GRIA2: variants seen among roughly 807,000 people sequenced by gnomAD.
GRIA2 encodes glutamate receptor 2.
GRIA2 carries 14 observed loss-of-function variants against 97.3 expected under a neutral mutation model. The ratio of observed to expected loss-of-function variants is 0.14; its 90% CI spans 0.10 to 0.23. The LOEUF (loss-of-function observed/expected upper bound fraction) is 0.23, where lower values mean the gene tolerates loss of function less well. GRIA2 is among the 10% of genes least tolerant of loss of function. The pLI is 1.00. For missense variants in GRIA2, 558 were observed against 1,069.8 expected, an observed-to-expected ratio of 0.52 and a Z score of 6.67; for synonymous variants, 412 against 387.8, an observed-to-expected ratio of 1.06 and a Z score of -0.73.
chr4:157,243,980 G>A (rs921175276), intron 2 of GRIA2, among the ~76,000 whole-genome samples: 1 of 151,982 alleles, frequency 6.6e-6, no homozygotes, highest in Non-Finnish European at 1.5e-5. Flanking sequence ...CACTTTAAAG[G>A]AAATCAGTAG....
chr4:157,238,291 T>G (rs1433923638), intron 2 of GRIA2, among the ~76,000 whole-genome samples: 1 of 152,152 alleles, frequency 6.6e-6, no homozygotes, highest in Non-Finnish European at 1.5e-5. Flanking sequence ...TCAGGGAAAT[T>G]TATAAATCTT....
rs558176865 is a variant in GRIA2, at chr4:157,264,330, T to C, written c.230-39222T>C. ...TGGAGTCTCTAGGGGATAATTCATTTCCTTGCCTTGTCCAACTTCTAGGGG... is the reference window on the plus strand; with the variant it reads ...TGGAGTCTCTAGGGGATAATTCATTCCCTTGCCTTGTCCAACTTCTAGGGG... On this transcript the variant is annotated intron_variant, in intron 2 of 15. Coordinates refer to ENST00000264426, the MANE Select transcript of GRIA2 (RefSeq NM_001083619.3). Among the ~76,000 whole-genome samples the C allele has an allele frequency of 2.1e-4, 32 of 152,240 alleles. 1 individual carries two copies. The South Asian group carries it at 6.4e-3, about 31-fold the overall frequency.
At chr4:157,353,888 A>C (rs558966129) in intron 12 of GRIA2, among the ~76,000 whole-genome samples, 1 of 152,136 alleles carries the variant, frequency 6.6e-6, no homozygotes, top group South Asian at 2.1e-4. Flanking sequence ...ATGAAAAATC[A>C]AACTACTTTT....
intron 12 of GRIA2, among the ~76,000 whole-genome samples, chr4:157,351,654 C>A (rs1736015583): frequency 6.6e-6 from 1 of 152,054 alleles, no homozygotes; most frequent in Non-Finnish European, 1.5e-5. Context: ...CCCTATAATC[C>A]CCATAATCCC....
At chr4:157,344,287 G>C (rs561321703) in intron 12 of GRIA2, among the ~76,000 whole-genome samples, 1 of 152,156 alleles carries the variant, frequency 6.6e-6, no homozygotes, top group Admixed American at 6.6e-5. Flanking sequence ...GGAAATTCTT[G>C]TTTCTATTCC....
chr4:157,302,012 A>C (rs1024884315), intron 2 of GRIA2, among the ~76,000 whole-genome samples: 2 of 151,950 alleles, frequency 1.3e-5, no homozygotes, highest in African/African-American at 2.4e-5. Context: ...GTCTCTACTA[A>C]AAATATGAAA....
intron 2 of GRIA2, among the ~76,000 whole-genome samples, chr4:157,236,152 A>G (rs964127041): frequency 1.3e-5 from 2 of 152,076 alleles, no homozygotes; most frequent in African/African-American, 4.8e-5. Context: ...TTTTGGTACT[A>G]TGGATGATTT....
intron 2 of GRIA2, among the ~76,000 whole-genome samples, chr4:157,261,475 C>G (rs750743732): frequency 3.3e-5 from 5 of 151,942 alleles, no homozygotes; most frequent in Non-Finnish European, 7.4e-5. Flanking sequence ...TTATTTTATC[C>G]TATCAGCAAA....
At chr4:157,269,040 A>G (rs1028112752) in intron 2 of GRIA2, among the ~76,000 whole-genome samples, 1 of 152,162 alleles carries the variant, frequency 6.6e-6, no homozygotes, top group African/African-American at 2.4e-5. Context: ...TTACACACAC[A>G]TACAAGTACA....
At chr4:157,321,632 T>A (rs754622649) in intron 6 of GRIA2, 33 bp downstream of exon 6, 2 of 1,510,596 alleles carry the variant, frequency 1.3e-6, no homozygotes, top group African/African-American at 1.4e-5. Context: ...TCTTTTTCTT[T>A]CATATGTGAG....
rs10461244 is a variant in GRIA2, at chr4:157,248,650, T to C, written c.229+26843T>C. Among the ~76,000 whole-genome samples, 22 of 142,570 alleles carry C rather than the reference T, an allele frequency of 1.5e-4. No individual in the cohort carries two copies. The East Asian group carries it at 4.1e-3, about 27-fold the overall frequency. The allele number at this position is 142,570 out of a possible 152,430, so 93.5% of individuals were successfully genotyped here. ...GTATATATATACACCTGTATATATA[T>C]ACATACGTATATATTTATGCACGTG... On this transcript the variant is annotated intron_variant, in intron 2 of 15. Coordinates refer to ENST00000264426, the MANE Select transcript of GRIA2 (RefSeq NM_001083619.3).
chr4:157,317,624 A>C, intron 4 of GRIA2, 34 bp from the exon 5 acceptor site: 1 of 787,420 alleles, frequency 1.3e-6, no homozygotes, highest in South Asian at 1.7e-5. Flanking sequence ...CATTATTTGT[A>C]TTAATTAAAT....
chr4:157,277,930 A>G (rs1005640625), intron 2 of GRIA2, among the ~76,000 whole-genome samples: 19 of 135,170 alleles, frequency 1.4e-4, no homozygotes, highest in Admixed American at 8.1e-4. Flanking sequence ...GTATATATAT[A>G]TGTGAGGAAA....
At chr4:157,283,210 A>T (rs1166662663) in intron 2 of GRIA2, among the ~76,000 whole-genome samples, 2 of 152,088 alleles carry the variant, frequency 1.3e-5, no homozygotes, top group East Asian at 3.9e-4. Context: ...TGCTATGTTG[A>T]TTTAATTTGG....
intron 2 of GRIA2, among the ~76,000 whole-genome samples, chr4:157,250,702 T>C (rs1262128190): frequency 6.6e-6 from 1 of 152,110 alleles, no homozygotes; most frequent in East Asian, 1.9e-4. Flanking sequence ...AGAAGGCCCA[T>C]TTGCTACTTG....
chr4:157,230,562 C>T (rs1051483739), intron 2 of GRIA2, among the ~76,000 whole-genome samples: 40 of 60,208 alleles, frequency 6.6e-4, no homozygotes, highest in African/African-American at 2.5e-3. Context: ...TTCCTTCTTT[C>T]CTTCCTTCCT....
At chr4:157,339,051 T>A (rs1735430828) in intron 11 of GRIA2, among the ~76,000 whole-genome samples, 1 of 151,974 alleles carries the variant, frequency 6.6e-6, no homozygotes, top group Admixed American at 6.6e-5. Flanking sequence ...TCTAGAGTTA[T>A]TTATTAAATT....
chr4:157,285,415 T>C (rs1732792406), intron 2 of GRIA2, among the ~76,000 whole-genome samples: 2 of 151,626 alleles, frequency 1.3e-5, no homozygotes, highest in African/African-American at 4.8e-5. Context: ...GAGGAATTTA[T>C]AAATTTTTTA....
At chr4:157,290,668 T>C (rs113206125) in intron 2 of GRIA2, among the ~76,000 whole-genome samples, 24 of 152,054 alleles carry the variant, frequency 1.6e-4, no homozygotes, top group African/African-American at 5.5e-4. Context: ...GTCATCCTTA[T>C]TGAAGTATGA....
Sources: allele counts gnomAD v4.1 joint callset (sites outside exome capture counted in the v4.1 genomes callset), GRCh38; gene constraint gnomAD v4.1.1; transcripts MANE v1.5; gene names NCBI Gene and HGNC (gene_info 2026-07-23, HGNC 2026-07-21).